Variants in ZBTB20 observed in about 807,000 individuals in gnomAD.
ZBTB20 encodes the protein zinc finger and BTB domain-containing protein 20.
ZBTB20 carries 9 observed loss-of-function variants against 56.9 expected under a neutral mutation model. That is an observed-to-expected ratio of 0.16 (90% CI 0.10 to 0.28). The LOEUF (loss-of-function observed/expected upper bound fraction) is 0.28, where lower values mean the gene tolerates loss of function less well. ZBTB20 is among the 10% of genes least tolerant of loss of function. The probability of loss-of-function intolerance (pLI) is 1.00; values close to 1 mark genes in which losing one functional copy is unlikely to be tolerated. For synonymous variants in ZBTB20, 417 were observed against 420.7 expected, an observed-to-expected ratio of 0.99 and a Z score of 0.11; for missense variants, 655 against 1,003.0, an observed-to-expected ratio of 0.65 and a Z score of 4.69.
chr3:114,552,741 TAA>T (rs2050731471), intron 6 of ZBTB20, among the ~76,000 whole-genome samples: 2 of 152,148 alleles, frequency 1.3e-5, no homozygotes, highest in African/African-American at 2.4e-5. Context: ...AAAAAATATA[TAA>T]AACTCTCTTA....
At position 114,559,842 on chromosome 3, in the gene ZBTB20, C is replaced by A. The variant is rs79198613; in HGVS notation, c.-294-59451G>T. Among the ~76,000 whole-genome samples, 812 of 152,146 alleles carry A rather than the reference C, an allele frequency of 5.3e-3. 12 individuals carry two copies. Among genetic ancestry groups the A allele is most frequent in the African/African-American group, 0.019 (772 of 41,500 alleles). On this transcript the variant is annotated intron_variant, in intron 6 of 11. Transcript: ENST00000675478. ...GGGAAAAAGATGTCTAGTTCAAAGACGATGAGAAGGGAGGTATCATTCTAA... is the reference window on the plus strand; with the variant it reads ...GGGAAAAAGATGTCTAGTTCAAAGAAGATGAGAAGGGAGGTATCATTCTAA...
chr3:114,631,709 T>C (rs925918111), intron 6 of ZBTB20, among the ~76,000 whole-genome samples: 1 of 152,124 alleles, frequency 6.6e-6, no homozygotes, highest in Non-Finnish European at 1.5e-5. Flanking sequence ...TTACTGTTTT[T>C]CAGAAAAATA....
At chr3:114,900,972 T>C (rs1047392893) in intron 3 of ZBTB20, among the ~76,000 whole-genome samples, 10 of 152,112 alleles carry the variant, frequency 6.6e-5, no homozygotes, top group Non-Finnish European at 1.3e-4. Flanking sequence ...GCCAGCGAAG[T>C]AGGTATTGAT....
intron 6 of ZBTB20, among the ~76,000 whole-genome samples, chr3:114,642,655 T>C (rs1357574902): frequency 6.6e-6 from 1 of 152,030 alleles, no homozygotes; most frequent in Non-Finnish European, 1.5e-5. Context: ...TTTAAATATT[T>C]AGCCATAGCA....
intron 2 of ZBTB20, among the ~76,000 whole-genome samples, chr3:114,980,957 A>G (rs1275607658): frequency 1.3e-5 from 2 of 151,996 alleles, no homozygotes; most frequent in East Asian, 3.9e-4. Flanking sequence ...ATGTTCTACT[A>G]GATTTCTCTG....
chr3:114,481,849 A>C (rs1262066071), intron 7 of ZBTB20, among the ~76,000 whole-genome samples: 2 of 152,172 alleles, frequency 1.3e-5, no homozygotes, highest in Non-Finnish European at 2.9e-5. Flanking sequence ...AGAGGGAGTA[A>C]ACCACAAAGG....
At chr3:115,064,569 A>C (rs1321565032) in intron 2 of ZBTB20, among the ~76,000 whole-genome samples, 2 of 147,168 alleles carry the variant, frequency 1.4e-5, no homozygotes, top group Non-Finnish European at 3.0e-5. Flanking sequence ...CTCCTGCCTC[A>C]GCCTCCCAAG....
chr3:115,038,266 A>C (rs977647485), intron 2 of ZBTB20, among the ~76,000 whole-genome samples: 1 of 152,188 alleles, frequency 6.6e-6, no homozygotes, highest in South Asian at 2.1e-4. Context: ...GGCAAGTACT[A>C]CACACCCTTC....
At chr3:114,446,321 T>G (rs559207866) in intron 7 of ZBTB20, among the ~76,000 whole-genome samples, 1 of 152,292 alleles carries the variant, frequency 6.6e-6, no homozygotes, top group East Asian at 1.9e-4. Context: ...TTGATCATTT[T>G]ATCATTTTCT....
chr3:114,375,349 TC>T (rs1428519141), intron 10 of ZBTB20, among the ~76,000 whole-genome samples: 7 of 152,292 alleles, frequency 4.6e-5, no homozygotes, highest in African/African-American at 1.7e-4. Flanking sequence ...CACTGCCTTC[TC>T]TAACACAAAT....
chr3:114,455,299 G>A (rs1335669477), intron 7 of ZBTB20, among the ~76,000 whole-genome samples: 2 of 152,054 alleles, frequency 1.3e-5, no homozygotes, highest in African/African-American at 4.8e-5. Context: ...GGGGAAAAGC[G>A]AATATTACAA....
intron 4 of ZBTB20, among the ~76,000 whole-genome samples, chr3:114,889,902 T>G (rs1576238855): frequency 6.6e-6 from 1 of 152,158 alleles, no homozygotes; most frequent in Non-Finnish European, 1.5e-5. Context: ...GGTTTCAGAA[T>G]AGCATTATGA....
At chr3:114,548,825 T>C (rs2050218696) in intron 6 of ZBTB20, among the ~76,000 whole-genome samples, 1 of 152,198 alleles carries the variant, frequency 6.6e-6, no homozygotes, top group Non-Finnish European at 1.5e-5. Flanking sequence ...GGCCTATGAC[T>C]GGACTGTTTC....
chr3:114,690,313 T>C lies in ZBTB20; in HGVS notation c.-295+3215A>G, dbSNP rs1199167472. ...TGGAAAATGTGCTCCTAAGATTAAA[T>C]AGACCTGAGTAACACATAAATTCAG... On this transcript the variant is annotated intron_variant, in intron 6 of 11. Coordinates refer to ENST00000675478, the MANE Select transcript of ZBTB20 (RefSeq NM_001348800.3). 5.3e-5 allele frequency among the ~76,000 whole-genome samples: 8 copies of C among 152,276 alleles called. No homozygotes were observed. The South Asian group carries it at 1.0e-3, about 20-fold the overall frequency.
intron 4 of ZBTB20, among the ~76,000 whole-genome samples, chr3:114,828,270 T>C (rs2073653741): frequency 6.6e-6 from 1 of 151,700 alleles, no homozygotes; most frequent in South Asian, 2.1e-4. Flanking sequence ...TTCTTGACCC[T>C]TTATTGCACA....
At chr3:114,569,409 T>C (rs1241661447) in intron 6 of ZBTB20, among the ~76,000 whole-genome samples, 2 of 152,232 alleles carry the variant, frequency 1.3e-5, no homozygotes, top group African/African-American at 4.8e-5. Context: ...CAACAAACTT[T>C]GCCACGAAGT....
chr3:115,005,666 G>A (rs1051288712), intron 2 of ZBTB20, among the ~76,000 whole-genome samples: 1 of 151,716 alleles, frequency 6.6e-6, no homozygotes, highest in African/African-American at 2.4e-5. Context: ...AGGTGATTCA[G>A]GACTTAACTG....
At chr3:115,106,787 C>G (rs2108617198) in intron 1 of ZBTB20, among the ~76,000 whole-genome samples, 1 of 152,262 alleles carries the variant, frequency 6.6e-6, no homozygotes, top group East Asian at 1.9e-4. Context: ...ACTCCCTCCC[C>G]ACCATCGCCA....
chr3:114,480,765 C>T (rs1053300166), intron 7 of ZBTB20, among the ~76,000 whole-genome samples: 3 of 151,824 alleles, frequency 2.0e-5, no homozygotes, highest in African/African-American at 4.8e-5. Flanking sequence ...ATGAGGAACA[C>T]ATAGGGATGT....
Sources: gnomAD v4.1 joint callset for allele counts (sites outside exome capture counted in the v4.1 genomes callset) on GRCh38, gnomAD v4.1.1 for gene constraint, MANE v1.5 for transcripts, NCBI Gene and HGNC (gene_info 2026-07-23, HGNC 2026-07-21) for gene names.